The following PRMT8 variants were observed in gnomAD, a reference collection of about 807,000 sequenced individuals.
The protein encoded by PRMT8 is protein arginine N-methyltransferase 8.
In PRMT8, 7 loss-of-function variants were observed where a neutral mutation model predicts 47.1. The ratio of observed to expected loss-of-function variants is 0.15; its 90% confidence interval spans 0.08 to 0.28. The LOEUF is 0.28. Among genes scored for constraint, PRMT8 ranks in the 10% least tolerant of loss-of-function variants. The pLI is 1.00. For synonymous variants in PRMT8, 188 were observed against 186.5 expected (o/e 1.01, Z -0.07); for missense variants, 237 against 505.4 (o/e 0.47, Z 5.09).
intron 1 of PRMT8, among the ~76,000 whole-genome samples, chr12:3,537,944 A>T (rs972945147): frequency 2.0e-5 from 3 of 152,182 alleles, no homozygotes; most frequent in African/African-American, 7.2e-5. Flanking sequence ...GAGCCCAAAC[A>T]CAGAAGTCAC....
intron 1 of PRMT8, among the ~76,000 whole-genome samples, chr12:3,458,604 C>G (rs1010698670): frequency 1.3e-5 from 2 of 152,244 alleles, no homozygotes; most frequent in Non-Finnish European, 2.9e-5. Flanking sequence ...GCCAATCAGA[C>G]CTTTGAACAA....
At chr12:3,435,724 C>G (rs12301837) in intron 1 of PRMT8, among the ~76,000 whole-genome samples, 19,237 of 151,796 alleles carry the variant, frequency 0.13, 2,131 homozygotes, top group African/African-American at 0.3. Flanking sequence ...GTTTCACCAT[C>G]TTAGCCAGGA....
Position 3,557,222 on chromosome 12 carries a change from A to G in PRMT8, c.481+3508A>G, listed in dbSNP as rs191518622. Among the ~76,000 whole-genome samples, 1 of 152,084 alleles carries G rather than the reference A, an allele frequency of 6.6e-6. No homozygotes were observed. The highest frequency in any genetic ancestry group is 2.4e-5 in the African/African-American group (1 of 41,468). ...TGAGTCCCATCCTTGCTGTTGTGTG[A>G]TCTTTCTCTTACCACTCTCAGGAGC... On this transcript the variant is annotated intron_variant, in intron 4 of 9. Coordinates refer to ENST00000382622, the MANE Select transcript of PRMT8 (RefSeq NM_019854.5). The surrounding 1 kb of genome is among the most constrained non-coding windows in gnomAD (Gnocchi z 4.7).
chr12:3,469,274 G>A (rs1227498243), intron 1 of PRMT8: 5 of 429,754 alleles, frequency 1.2e-5, no homozygotes, highest in South Asian at 3.9e-5. Context: ...GCTGCCTCAC[G>A]ACCCCCACCA....
intron 8 of PRMT8, among the ~76,000 whole-genome samples, chr12:3,586,939 A>C (rs1249144946): frequency 6.6e-6 from 1 of 152,198 alleles, no homozygotes; most frequent in African/African-American, 2.4e-5. Flanking sequence ...TTTCTCAGCC[A>C]CCTTCGCGTG....
At chr12:3,520,295 C>G (rs1051778006) in intron 1 of PRMT8, among the ~76,000 whole-genome samples, 3 of 152,238 alleles carry the variant, frequency 2.0e-5, no homozygotes, top group Admixed American at 6.5e-5. Context: ...GCCAGGGATG[C>G]CTTTGCTCAT....
At chr12:3,511,475 A>G (rs1319247552) in intron 1 of PRMT8, among the ~76,000 whole-genome samples, 1 of 152,120 alleles carries the variant, frequency 6.6e-6, no homozygotes, top group Non-Finnish European at 1.5e-5. Context: ...GCTGGCAATT[A>G]TTTGTCTGGG....
chr12:3,565,571 G>C (rs918294949), intron 4 of PRMT8, among the ~76,000 whole-genome samples: 1 of 152,176 alleles, frequency 6.6e-6, no homozygotes, highest in African/African-American at 2.4e-5. Flanking sequence ...TAAGAGAACA[G>C]AAGTCCAGAC....
upstream of PRMT8, among the ~76,000 whole-genome samples, chr12:3,490,948 G>C (rs1045308704): frequency 6.6e-6 from 1 of 152,080 alleles, no homozygotes; most frequent in Non-Finnish European, 1.5e-5. Context: ...CGCGCACCGG[G>C]TCTGAGAACC....
intron 1 of PRMT8, among the ~76,000 whole-genome samples, chr12:3,410,837 A>G (rs1192762404): frequency 1.3e-5 from 2 of 152,146 alleles, no homozygotes; most frequent in Admixed American, 6.5e-5. Flanking sequence ...ATTACATTCC[A>G]TGGGGCATTG....
At chr12:3,562,598 C>T (rs184625230) in intron 4 of PRMT8, among the ~76,000 whole-genome samples, 44 of 152,322 alleles carry the variant, frequency 2.9e-4, no homozygotes, top group Admixed American at 2.5e-3. Context: ...CTGTCACACA[C>T]TGCCTGCCAA....
chr12:3,398,916 G>T (rs1269378415), intron 1 of PRMT8, among the ~76,000 whole-genome samples: 3 of 152,194 alleles, frequency 2.0e-5, no homozygotes, highest in Admixed American at 6.5e-5. Context: ...CATGGTGTGG[G>T]GGAATGGCCC....
chr12:3,448,663 GGA>G (rs1864883977), intron 1 of PRMT8, among the ~76,000 whole-genome samples: 1 of 152,002 alleles, frequency 6.6e-6, no homozygotes, highest in Non-Finnish European at 1.5e-5. Flanking sequence ...CTGGACAGAT[GGA>G]GAGAGAGAAA....
chr12:3,558,961 C>CCTACCTAT (rs372113503), intron 4 of PRMT8, among the ~76,000 whole-genome samples: 3 of 150,108 alleles, frequency 2.0e-5, no homozygotes, highest in Non-Finnish European at 3.0e-5. Context: ...TATCTATCTA[C>CCTACCTAT]CTATCTATCT....
chr12:3,415,188 C>T (rs1302416770), intron 1 of PRMT8, among the ~76,000 whole-genome samples: 1 of 152,080 alleles, frequency 6.6e-6, no homozygotes, highest in Admixed American at 6.5e-5. Flanking sequence ...AGGGCTATCA[C>T]AAAGGGTACA....
chr12:3,439,768 A>T (rs1397217757), intron 1 of PRMT8, among the ~76,000 whole-genome samples: 3 of 152,204 alleles, frequency 2.0e-5, no homozygotes, highest in African/African-American at 7.2e-5. Flanking sequence ...GGAACCACAG[A>T]GTGCCTGTAT....
At chr12:3,518,676 T>A (rs992564622) in intron 1 of PRMT8, among the ~76,000 whole-genome samples, 1 of 151,992 alleles carries the variant, frequency 6.6e-6, no homozygotes, top group Non-Finnish European at 1.5e-5. Flanking sequence ...CGGGCCCAAA[T>A]GCAAGACCCT....
chr12:3,560,580 A>G (rs1358105683), intron 4 of PRMT8, among the ~76,000 whole-genome samples: 7 of 152,244 alleles, frequency 4.6e-5, no homozygotes, highest in African/African-American at 1.7e-4. Context: ...GAAGGTTGAC[A>G]TAGGAGCTCA....
chr12:3,522,698 A>C (rs894503306), intron 1 of PRMT8, among the ~76,000 whole-genome samples: 1 of 151,574 alleles, frequency 6.6e-6, no homozygotes, highest in Non-Finnish European at 1.5e-5. Context: ...GAAGGTCCCC[A>C]TCAGGTGCTC....
Sources: gnomAD v4.1 joint callset for allele counts (sites outside exome capture counted in the v4.1 genomes callset) on GRCh38, gnomAD v4.1.1 for gene constraint, Gnocchi (gnomAD v3.1) non-coding constraint, MANE v1.5 for transcripts, NCBI Gene and HGNC (gene_info 2026-07-23, HGNC 2026-07-21) for gene names.